Variants in HECTD4 observed in about 807,000 individuals in gnomAD.
HECTD4 encodes probable E3 ubiquitin-protein ligase HECTD4.
HECTD4 carries 114 observed loss-of-function variants against 471.5 expected under a neutral mutation model. The observed-to-expected ratio is 0.24, with a 90% CI of 0.21 to 0.28. The LOEUF is 0.28. Among genes scored for constraint, HECTD4 ranks in the 10% least tolerant of loss-of-function variants. HECTD4 has a pLI of 1.00. For synonymous variants in HECTD4, 2,012 were observed against 2,256.0 expected, an observed-to-expected ratio of 0.89 and a Z score of 3.07; for missense variants, 3,866 against 5,651.5, an observed-to-expected ratio of 0.68 and a Z score of 10.13.
intron 1 of HECTD4, among the ~76,000 whole-genome samples, chr12:112,380,959 C>A (rs2036875838): frequency 6.6e-6 from 1 of 152,198 alleles, no homozygotes; most frequent in African/African-American, 2.4e-5. Flanking sequence ...AGGCCATCCT[C>A]TCTGCGCCCT....
intron 10 of HECTD4, 109 bp from the exon 11 acceptor site, chr12:112,273,904 G>A (rs2034469872): frequency 1.7e-5 from 22 of 1,261,648 alleles, no homozygotes; most frequent in Non-Finnish European, 2.3e-5. Flanking sequence ...CTCTAATGTT[G>A]ACAACCCACA....
At chr12:112,288,853 T>C (rs2034813115) in intron 7 of HECTD4, among the ~76,000 whole-genome samples, 1 of 152,198 alleles carries the variant, frequency 6.6e-6, no homozygotes, top group Non-Finnish European at 1.5e-5. Flanking sequence ...AGCTTCACCA[T>C]GCAGAGCAGA....
At chr12:112,192,898 C>A (rs780524385) in intron 58 of HECTD4, 133 bp from the exon 59 acceptor site, 5 of 1,206,986 alleles carry the variant, frequency 4.1e-6, no homozygotes, top group Non-Finnish European at 5.8e-6. Flanking sequence ...TTTGGAAGGT[C>A]ATTCTTTATA....
intron 6 of HECTD4, among the ~76,000 whole-genome samples, chr12:112,308,450 A>C (rs2035309439): frequency 1.3e-5 from 2 of 148,476 alleles, no homozygotes; most frequent in East Asian, 3.1e-4. Flanking sequence ...AAAAAAACAA[A>C]AACAAAACAA....
Position 112,184,988 on chromosome 12 carries a change from G to A in HECTD4, c.9978C>T (p.Gly3326=). 1 of 1,612,310 alleles carries A rather than the reference G, an allele frequency of 6.2e-7. No individual in the cohort carries two copies. The highest frequency in any genetic ancestry group is 1.1e-5 in the South Asian group (1 of 90,864). The change falls in exon 61 of 76, where the codon GGC becomes GGT. Residue 3326 remains glycine (G), a synonymous_variant. Coordinates refer to ENST00000682272, the MANE Select transcript of HECTD4 (RefSeq NM_001388303.1). This position sits in a 1 kb window ranked among gnomAD's most constrained non-coding sequence, Gnocchi z 9.1. ...CCACGGTGCGGGAAGACTGGCGCTT[G>A]CCCGACGAGGAGGCCTTTTCCCGCT... is the stretch of plus-strand genomic sequence containing the variant. ...KMKREKASSS[G]KRQSSRTVDS... is the part of the protein sequence containing the mutation.
At chr12:112,227,192 G>A (rs1472954414) in intron 43 of HECTD4, among the ~76,000 whole-genome samples, 1 of 152,202 alleles carries the variant, frequency 6.6e-6, no homozygotes, top group Non-Finnish European at 1.5e-5. Context: ...GGGCATGGTG[G>A]CTCACGCCTG....
At chr12:112,177,858 A>G (rs2031512866) in intron 64 of HECTD4, among the ~76,000 whole-genome samples, 1 of 152,226 alleles carries the variant, frequency 6.6e-6, no homozygotes. Context: ...CAAAAGCTAC[A>G]GAAGTAACCT....
chr12:112,263,724 TACACACACACACACACACACACAC>T (rs367597011), intron 17 of HECTD4, among the ~76,000 whole-genome samples: 7 of 125,106 alleles, frequency 5.6e-5, no homozygotes, highest in East Asian at 2.1e-4. Flanking sequence ...TATATATATA[TACACACACACACACACACACACAC>T]ACATACACAT....
intron 52 of HECTD4, 37 bp downstream of exon 52, chr12:112,207,837 T>G: frequency 6.2e-7 from 1 of 1,601,644 alleles, no homozygotes. Context: ...CTTCAAGTCA[T>G]GAAGTAACCT....
intron 66 of HECTD4, among the ~76,000 whole-genome samples, chr12:112,174,794 C>A (rs1593895370): frequency 6.6e-6 from 1 of 151,922 alleles, no homozygotes; most frequent in Admixed American, 6.5e-5. Flanking sequence ...AAGCTCCTGA[C>A]CTCATGCCTC....
chr12:112,320,901 G>A (rs1051700819), intron 1 of HECTD4, among the ~76,000 whole-genome samples: 39 of 150,668 alleles, frequency 2.6e-4, no homozygotes, highest in African/African-American at 9.5e-4. Flanking sequence ...AGGCTGGAGT[G>A]CAATGGCCGA....
intron 3 of HECTD4, 25 bp downstream of exon 3, chr12:112,314,432 G>C: frequency 8.0e-7 from 1 of 1,246,256 alleles, no homozygotes; most frequent in South Asian, 1.3e-5. Context: ...TGGAAGGAGG[G>C]TAAGGATACA....
intron 29 of HECTD4, among the ~76,000 whole-genome samples, chr12:112,246,013 T>C (rs1355983737): frequency 6.6e-6 from 1 of 152,116 alleles, no homozygotes; most frequent in African/African-American, 2.4e-5. Flanking sequence ...GCGCCTGTAA[T>C]CCCACCTACC....
chr12:112,234,963 A>C (rs1228639726), intron 37 of HECTD4, 114 bp downstream of exon 37: 2 of 833,446 alleles, frequency 2.4e-6, no homozygotes, highest in Non-Finnish European at 3.7e-6. Flanking sequence ...GTCTACCTGA[A>C]AGGGGTGTAA....
In HECTD4 at chr12:112,265,864, A is replaced by T; in HGVS notation, c.2498+14T>A. The T allele has an allele frequency of 1.3e-6, 2 of 1,585,360 alleles. No individual in the cohort carries two copies. The highest frequency in any genetic ancestry group is 1.7e-6 in the Non-Finnish European group (2 of 1,154,440). On this transcript the variant is annotated intron_variant, in intron 15 of 75. Coordinates refer to ENST00000682272, the MANE Select transcript of HECTD4 (RefSeq NM_001388303.1). ...AACACAAAGGCTAGAAGTGAATAAT[A>T]TAACTGGTGTCACCTGTAATGATCA...
intron 7 of HECTD4, among the ~76,000 whole-genome samples, chr12:112,299,025 G>A (rs1022051400): frequency 3.3e-5 from 5 of 152,094 alleles, no homozygotes; most frequent in African/African-American, 1.2e-4. Flanking sequence ...CCAAGTTAGC[G>A]TTTAAGGAAA....
At chr12:112,292,508 G>T (rs1241435805) in intron 7 of HECTD4, among the ~76,000 whole-genome samples, 1 of 152,194 alleles carries the variant, frequency 6.6e-6, no homozygotes, top group African/African-American at 2.4e-5. Context: ...AGATCTCACT[G>T]TCTTTTCTAT....
chr12:112,307,637 G>A (rs1226394368), intron 6 of HECTD4, among the ~76,000 whole-genome samples: 3 of 152,124 alleles, frequency 2.0e-5, no homozygotes, highest in Admixed American at 6.5e-5. Flanking sequence ...AACAATTATT[G>A]AGCACCTACT....
In HECTD4 at chr12:112,381,277, A is replaced by G. The variant is rs1035965330; in HGVS notation, c.177+675T>C. ...ATGCTTGGCGACCCCCGGGGCACAC[A>G]AAAAGGCCCTGCGGCCTAACGCGCC... On this transcript the variant is annotated intron_variant, in intron 1 of 75. Coordinates refer to ENST00000682272, the MANE Select transcript of HECTD4 (RefSeq NM_001388303.1). The surrounding 1 kb of genome is among the most constrained non-coding windows in gnomAD (Gnocchi z 4.1). 6.6e-6 allele frequency among the ~76,000 whole-genome samples: 1 copy of G among 152,162 alleles called. No homozygotes were observed. The highest frequency in any genetic ancestry group is 2.4e-5 in the African/African-American group (1 of 41,434).
Sources: gnomAD v4.1 joint callset for allele counts (sites outside exome capture counted in the v4.1 genomes callset) on GRCh38, gnomAD v4.1.1 for gene constraint, Gnocchi (gnomAD v3.1) non-coding constraint, MANE v1.5 for transcripts, NCBI Gene and HGNC (gene_info 2026-07-23, HGNC 2026-07-21) for gene names.